NFIB: variants seen among roughly 807,000 people sequenced by gnomAD.
The protein encoded by NFIB is nuclear factor I B.
Under a neutral mutation model 61.5 loss-of-function variants are expected in NFIB, and 11 were observed. The ratio of observed to expected loss-of-function variants is 0.18; its 90% CI spans 0.11 to 0.30. NFIB has a LOEUF of 0.30. Ranked by LOEUF, NFIB falls within the 10% of genes least tolerant of loss-of-function variation. NFIB has a pLI of 1.00. For missense variants in NFIB, 471 were observed against 608.9 expected, an observed-to-expected ratio of 0.77 and a Z score of 2.38; for synonymous variants, 260 against 216.5, an observed-to-expected ratio of 1.20 and a Z score of -1.76.
intron 2 of NFIB, among the ~76,000 whole-genome samples, chr9:14,266,152 C>G (rs1341518405): frequency 6.6e-6 from 1 of 152,176 alleles, no homozygotes; most frequent in Admixed American, 6.5e-5. Context: ...GAAGCAATCC[C>G]TTCCTTGACA....
chr9:14,178,148 A>C (rs2046375605), intron 3 of NFIB, among the ~76,000 whole-genome samples: 1 of 152,180 alleles, frequency 6.6e-6, no homozygotes. Context: ...ATTCTTTGTA[A>C]GATGAGTAAG....
chr9:14,088,438 CCCTA>C (rs2033226426), intron 10 of NFIB, 112 bp from the exon 11 acceptor site: 2 of 1,159,474 alleles, frequency 1.7e-6, no homozygotes, highest in African/African-American at 3.2e-5. Context: ...TTATTGCTAT[CCCTA>C]TTTTCAAAAT....
chr9:14,273,364 G>A (rs1261102868), intron 2 of NFIB, among the ~76,000 whole-genome samples: 1 of 152,094 alleles, frequency 6.6e-6, no homozygotes, highest in African/African-American at 2.4e-5. Context: ...GGGAGTTAAT[G>A]CCTCCCTTCT....
intron 2 of NFIB, among the ~76,000 whole-genome samples, chr9:14,227,177 A>G (rs2052540851): frequency 6.6e-6 from 1 of 151,984 alleles, no homozygotes; most frequent in Non-Finnish European, 1.5e-5. Flanking sequence ...AGTAAAGTAA[A>G]AGAAAAGAAA....
intron 2 of NFIB, among the ~76,000 whole-genome samples, chr9:14,288,429 C>CT (rs754895874): frequency 1.6e-4 from 24 of 151,840 alleles, no homozygotes; most frequent in Non-Finnish European, 2.2e-4. Context: ...CTTTTATTAA[C>CT]TTTTTTTTAA....
the NFIB span, among the ~76,000 whole-genome samples, chr9:14,490,816 G>T: frequency 6.6e-6 from 1 of 152,088 alleles, no homozygotes; most frequent in Non-Finnish European, 1.5e-5. Flanking sequence ...CTGCTGGTAG[G>T]AATGTACACC....
intron 2 of NFIB, among the ~76,000 whole-genome samples, chr9:14,290,622 G>C (rs2059028638): frequency 6.6e-6 from 1 of 151,994 alleles, no homozygotes; most frequent in South Asian, 2.1e-4. Flanking sequence ...TACAGACCCT[G>C]TAATTCACAT....
At chr9:14,226,411 G>A (rs1167272159) in intron 2 of NFIB, among the ~76,000 whole-genome samples, 8 of 151,868 alleles carry the variant, frequency 5.3e-5, no homozygotes, top group Non-Finnish European at 1.0e-4. Flanking sequence ...GGCCGGGCAG[G>A]GTGGCATGCA....
intron 1 of NFIB, among the ~76,000 whole-genome samples, chr9:14,356,960 G>T (rs1046625640): frequency 6.6e-6 from 1 of 152,174 alleles, no homozygotes; most frequent in Non-Finnish European, 1.5e-5. Context: ...TTGGTCAGGA[G>T]GTCTGCTTTT....
chr9:14,468,332 A>C, the NFIB span, among the ~76,000 whole-genome samples: 1 of 152,234 alleles, frequency 6.6e-6, no homozygotes, highest in Non-Finnish European at 1.5e-5. Context: ...CCTCTTTGCC[A>C]GTAAGATAAG....
intron 2 of NFIB, chr9:14,305,845 G>A (rs2059989966): frequency 2.5e-6 from 1 of 399,780 alleles, no homozygotes; most frequent in Non-Finnish European, 4.4e-6. Context: ...CTATCTGCAG[G>A]CCATTTTTCC....
chr9:14,522,401 CAT>C, the NFIB span, among the ~76,000 whole-genome samples: 2 of 152,158 alleles, frequency 1.3e-5, no homozygotes, highest in Non-Finnish European at 2.9e-5. Flanking sequence ...AATAGCCTCA[CAT>C]ACGATAATTA....
chr9:14,160,969 G>C (rs2044129451), intron 3 of NFIB, among the ~76,000 whole-genome samples: 1 of 151,980 alleles, frequency 6.6e-6, no homozygotes, highest in Non-Finnish European at 1.5e-5. Context: ...CAAACAGGTG[G>C]ACATAAGACA....
chr9:14,512,117 C>T, the NFIB span, among the ~76,000 whole-genome samples: 2 of 152,064 alleles, frequency 1.3e-5, no homozygotes, highest in African/African-American at 2.4e-5. Flanking sequence ...GGAATTCCTT[C>T]GCGTTGTATT....
chr9:14,323,653 G>A (rs2060712620), intron 1 of NFIB, among the ~76,000 whole-genome samples: 1 of 152,146 alleles, frequency 6.6e-6, no homozygotes, highest in Non-Finnish European at 1.5e-5. Flanking sequence ...GACTAGAATA[G>A]CTCCCGATGA....
At chr9:14,334,659 TA>T (rs762353159) in intron 1 of NFIB, among the ~76,000 whole-genome samples, 59 of 152,312 alleles carry the variant, frequency 3.9e-4, no homozygotes, top group African/African-American at 1.4e-3. Context: ...AATGTTGCAA[TA>T]TTTTTTTTAA....
intron 1 of NFIB, among the ~76,000 whole-genome samples, chr9:14,323,474 TTAAAAG>T (rs2060708693): frequency 6.6e-6 from 1 of 152,170 alleles, no homozygotes. Context: ...TATACAAGTA[TTAAAAG>T]TAAAAATATA....
At chr9:14,306,951 T>C (rs762573127) in intron 2 of NFIB, 38 bp downstream of exon 2, 44 of 1,603,930 alleles carry the variant, frequency 2.7e-5, no homozygotes, top group Non-Finnish European at 3.2e-5. Context: ...TTGTAGGCGG[T>C]GTTTGCCGTG....
chr9:14,523,644 C>A, the NFIB span, among the ~76,000 whole-genome samples: 1 of 152,082 alleles, frequency 6.6e-6, no homozygotes, highest in Non-Finnish European at 1.5e-5. Context: ...CTCATTTATT[C>A]CAAAGTCACT....
Sources: allele counts gnomAD v4.1 joint callset (sites outside exome capture counted in the v4.1 genomes callset), GRCh38; gene constraint gnomAD v4.1.1; transcripts MANE v1.5; gene names NCBI Gene and HGNC (gene_info 2026-07-23, HGNC 2026-07-21).